TLCD3B: variants seen among roughly 807,000 people sequenced by gnomAD.
TLCD3B encodes the protein TLC domain containing 3B, also known as ceramide synthase.
TLCD3B carries 9 observed loss-of-function variants against 23.0 expected under a neutral mutation model. The observed-to-expected ratio is 0.39, with a 90% CI of 0.24 to 0.68. TLCD3B has a LOEUF of 0.68. Ranked by LOEUF, TLCD3B falls within the 30% of genes least tolerant of loss-of-function variation. TLCD3B has a pLI of 0.44. For synonymous variants in TLCD3B, 161 were observed against 161.0 expected (o/e 1.00, Z 0.00); for missense variants, 307 against 371.8 (o/e 0.83, Z 1.43).
In TLCD3B at chr16:30,025,129, G is replaced by T; in HGVS notation, c.*54C>A. ...CCCAACCCCAGCCATCAGCCCCAGA[G>T]CCCTGTCTCCACGGGGGTGGGGGTG... On this transcript the variant is annotated 3_prime_UTR_variant, in exon 5 of 5. Transcript: ENST00000380495. This position sits in a 1 kb window ranked among gnomAD's most constrained non-coding sequence, Gnocchi z 4.1. The T allele has an allele frequency of 8.1e-7, 1 of 1,236,838 alleles. No homozygotes were observed. Among genetic ancestry groups the T allele is most frequent in the Non-Finnish European group, 1.1e-6 (1 of 920,476 alleles). 76.6% of individuals were successfully genotyped at this position (1,236,838 alleles called of 1,614,324 possible).
rs975384909 is a variant in TLCD3B, at chr16:30,030,582, C to A, written c.-55G>T. On this transcript the variant is annotated 5_prime_UTR_variant, in exon 1 of 5. Coordinates refer to ENST00000380495, the MANE Select transcript of TLCD3B (RefSeq NM_031478.6). ...GCGGGCCGTGAAGGGGCAGGGAGGCCGAGTGGAAGGAGTTAGGGGTGGAGA... is the reference window on the plus strand; with the variant it reads ...GCGGGCCGTGAAGGGGCAGGGAGGCAGAGTGGAAGGAGTTAGGGGTGGAGA... 2.2e-4 allele frequency: 333 copies of A among 1,501,582 alleles called. No individual in the cohort carries two copies. The highest frequency in any genetic ancestry group is 2.9e-4 in the Non-Finnish European group (322 of 1,129,400). The allele number at this position is 1,501,582 out of a possible 1,614,324, so 93.0% of individuals were successfully genotyped here.
Position 30,030,789 on chromosome 16 carries a change from G to T in TLCD3B, c.-262C>A. On this transcript the variant is annotated 5_prime_UTR_variant, in exon 1 of 5. Coordinates refer to ENST00000380495, the MANE Select transcript of TLCD3B (RefSeq NM_031478.6). ...AGCAGGAGCAGGCCAGCGAGGGATGGGGAGAGGCAAAGAGGGGATGGCTTG... is the reference window on the plus strand; with the variant it reads ...AGCAGGAGCAGGCCAGCGAGGGATGTGGAGAGGCAAAGAGGGGATGGCTTG... 1 of 1,242,952 alleles carries T rather than the reference G, an allele frequency of 8.0e-7. No individual in the cohort carries two copies. Among genetic ancestry groups the T allele is most frequent in the Non-Finnish European group, 1.0e-6 (1 of 993,640 alleles). The allele number at this position is 1,242,952 out of a possible 1,614,324, so 77.0% of individuals were successfully genotyped here.
chr16:30,025,066 G>T lies in TLCD3B; in HGVS notation c.*117C>A. The T allele has an allele frequency of 1.5e-6, 1 of 669,242 alleles. No individual in the cohort carries two copies. Among genetic ancestry groups the T allele is most frequent in the Non-Finnish European group, 2.4e-6 (1 of 420,544 alleles). 41.5% of individuals were successfully genotyped at this position (669,242 alleles called of 1,614,324 possible). A position where few individuals can be genotyped will look rare whatever the true frequency, so the allele number is the denominator to read the frequency against. ...GGGCCTCTTCCCTTTCGGGGTCATC[G>T]TCAGTCCTGGGGTTGTCCGGGCAAG... On this transcript the variant is annotated 3_prime_UTR_variant, in exon 5 of 5. Transcript: ENST00000380495. The surrounding 1 kb of genome is among the most constrained non-coding windows in gnomAD (Gnocchi z 4.1).
At chr16:30,030,201 A>T in intron 1 of TLCD3B, 1 of 1,318,718 alleles carries the variant, frequency 7.6e-7, no homozygotes, top group South Asian at 1.3e-5. Context: ...CTAGTAGACC[A>T]GATGGCCGGG....
Position 30,039,871 on chromosome 16 carries a change from C to T in TLCD3B, c.-67+1124G>A, listed in dbSNP as rs71389443. On this transcript the variant is annotated intron_variant, in intron 3 of 6. Transcript: ENST00000561666. ...AAGAGCGGCCAGGCATGGTGGCTCACGCCTGTGATCCCAGCACTTTGGGAG... is the reference window on the plus strand; with the variant it reads ...AAGAGCGGCCAGGCATGGTGGCTCATGCCTGTGATCCCAGCACTTTGGGAG... 1.3e-4 allele frequency among the ~76,000 whole-genome samples: 20 copies of T among 151,904 alleles called. 1 individual carries two copies. The highest frequency in any genetic ancestry group is 8.5e-4 in the Admixed American group (13 of 15,260).
At chr16:30,028,188 C>T (rs2071231714) in intron 2 of TLCD3B, among the ~76,000 whole-genome samples, 4 of 152,182 alleles carry the variant, frequency 2.6e-5, no homozygotes, top group African/African-American at 9.7e-5. Flanking sequence ...GATGGGACAG[C>T]TGGGCTGGTG....
chr16:30,030,809 G>T lies in TLCD3B; in HGVS notation c.-282C>A. 1 of 1,187,872 alleles carries T rather than the reference G, an allele frequency of 8.4e-7. No individual in the cohort carries two copies. Among genetic ancestry groups the T allele is most frequent in the Non-Finnish European group, 1.0e-6 (1 of 959,426 alleles). 73.6% of individuals were successfully genotyped at this position (1,187,872 alleles called of 1,614,324 possible). On this transcript the variant is annotated 5_prime_UTR_variant, in exon 1 of 5. Coordinates refer to ENST00000380495, the MANE Select transcript of TLCD3B (RefSeq NM_031478.6). ...GGATGGGGAGAGGCAAAGAGGGGAT[G>T]GCTTGGTGAGGGACAGAGAGGAAGA... is the stretch of plus-strand genomic sequence containing the variant.
chr16:30,046,293 C>T (rs930573184), intron 2 of TLCD3B: 1 of 152,180 alleles, frequency 6.6e-6, no homozygotes, highest in Admixed American at 6.6e-5. Flanking sequence ...AGAGACCCGC[C>T]ACCCAATTTA....
intron 3 of TLCD3B, among the ~76,000 whole-genome samples, chr16:30,040,147 A>AAAAAAATATATATATATATATATAT: frequency 2.1e-5 from 2 of 95,906 alleles, no homozygotes; most frequent in African/African-American, 8.7e-5. Flanking sequence ...AAAAAAAAAA[A>AAAAAAATATATATATATATATATAT]ATATATATAT....
intron 3 of TLCD3B, among the ~76,000 whole-genome samples, chr16:30,039,146 G>A (rs1287190954): frequency 1.9e-5 from 2 of 103,442 alleles, no homozygotes; most frequent in Non-Finnish European, 3.6e-5. Flanking sequence ...ATGGAGGTTC[G>A]CTCTTGTTAT....
intron 1 of TLCD3B, among the ~76,000 whole-genome samples, chr16:30,047,167 G>GCCTA (rs2071686855): frequency 6.8e-6 from 1 of 147,966 alleles, no homozygotes; most frequent in Non-Finnish European, 1.5e-5. Context: ...CTGTCTGTCT[G>GCCTA]TCTATCTATC....
At chr16:30,036,517 G>GA (rs2071477500) in intron 3 of TLCD3B, 2 of 940,092 alleles carry the variant, frequency 2.1e-6, no homozygotes, top group African/African-American at 1.7e-5. Flanking sequence ...GGGATAAAAG[G>GA]AAGGTGTCAA....
Position 30,024,999 on chromosome 16 carries a change from G to GA in TLCD3B, c.*183dup, listed in dbSNP as rs916841074. ...GTGCAGGAAGGGGGCAGAGTAGGGG[G>GA]AAGAGGTCCCCTCTCTCCACCCCCT... On this transcript the variant is annotated 3_prime_UTR_variant, in exon 5 of 5. Coordinates refer to ENST00000380495, the MANE Select transcript of TLCD3B (RefSeq NM_031478.6). The GA allele has an allele frequency of 3.0e-5, 16 of 534,648 alleles. No homozygotes were observed. In the African/African-American group the frequency reaches 3.2e-4, roughly 11 times the overall value. The allele number at this position is 534,648 out of a possible 1,614,324, so 33.1% of individuals were successfully genotyped here.
intron 1 of TLCD3B, among the ~76,000 whole-genome samples, chr16:30,050,896 G>A (rs765203506): frequency 6.6e-6 from 1 of 152,166 alleles, no homozygotes; most frequent in African/African-American, 2.4e-5. Flanking sequence ...TTCAGCCATC[G>A]TTTAGGAAGT....
intron 1 of TLCD3B, among the ~76,000 whole-genome samples, chr16:30,049,818 G>A (rs2071723701): frequency 6.6e-6 from 1 of 152,046 alleles, no homozygotes. Flanking sequence ...CCAGCTATTT[G>A]GGAGGCTGAG....
At position 30,024,831 on chromosome 16, in the gene TLCD3B, G is replaced by T. The variant is rs1426990887; in HGVS notation, c.*352C>A. 7.1e-5 allele frequency: 18 copies of T among 252,468 alleles called. No homozygotes were observed. The highest frequency in any genetic ancestry group is 1.3e-4 in the Non-Finnish European group (17 of 134,474). The allele number at this position is 252,468 out of a possible 1,614,324, so 15.6% of individuals were successfully genotyped here. On this transcript the variant is annotated 3_prime_UTR_variant, in exon 5 of 5. Coordinates refer to ENST00000380495, the MANE Select transcript of TLCD3B (RefSeq NM_031478.6). ...GGAGCCCTGGGGGATGGCAGCATAG[G>T]GGCTGGGATGGCCTTGGCAGAGGCG...
At chr16:30,050,806 T>G (rs990307955) in intron 1 of TLCD3B, among the ~76,000 whole-genome samples, 1 of 152,108 alleles carries the variant, frequency 6.6e-6, no homozygotes, top group African/African-American at 2.4e-5. Context: ...GAGCAGCAGC[T>G]GTGGTGAGGT....
At chr16:30,032,527 G>A (rs574321965), upstream of TLCD3B, 20 of 152,284 alleles carry the variant, frequency 1.3e-4, no homozygotes, top group African/African-American at 4.3e-4. Context: ...AGGGGGAAAG[G>A]GGATCCAGCT....
chr16:30,026,986 A>G (rs888118788), intron 2 of TLCD3B, 143 bp from the exon 3 acceptor site: 2 of 743,254 alleles, frequency 2.7e-6, no homozygotes, highest in Admixed American at 2.0e-5. Context: ...GTAGAGGGTG[A>G]GAAACTTGCC....
Sources: allele counts gnomAD v4.1 joint callset (sites outside exome capture counted in the v4.1 genomes callset), GRCh38; gene constraint gnomAD v4.1.1; non-coding constraint Gnocchi (gnomAD v3.1); transcripts MANE v1.5; gene names NCBI Gene and HGNC (gene_info 2026-07-23, HGNC 2026-07-21).